The following GALNT13 variants were observed in gnomAD, a reference collection of about 807,000 sequenced individuals.
GALNT13 encodes the protein UDP-GalNAc:polypeptide N-acetylgalactosaminyltransferase 13.
GALNT13 carries 28 observed loss-of-function variants against 64.2 expected under a neutral mutation model. The ratio of observed to expected loss-of-function variants is 0.44; its 90% CI spans 0.32 to 0.60. GALNT13 has a LOEUF of 0.60. Among genes scored for constraint, GALNT13 ranks in the 20% least tolerant of loss-of-function variants. GALNT13 has a pLI of 0.05. For missense variants in GALNT13, 577 were observed against 669.8 expected (o/e 0.86, Z 1.53); for synonymous variants, 214 against 224.6 (o/e 0.95, Z 0.42).
intron 4 of GALNT13, among the ~76,000 whole-genome samples, chr2:154,198,450 A>G (rs996265551): frequency 6.6e-6 from 1 of 152,104 alleles, no homozygotes; most frequent in African/African-American, 2.4e-5. Context: ...TATGTGTACA[A>G]TTCAGTGGCA....
chr2:154,409,541 A>G (rs1229830874), intron 11 of GALNT13, among the ~76,000 whole-genome samples: 1 of 152,062 alleles, frequency 6.6e-6, no homozygotes, highest in African/African-American at 2.4e-5. Flanking sequence ...AAAGCTGACT[A>G]AAAGTCTTAG....
At chr2:154,279,287 C>G (rs2105936474) in intron 8 of GALNT13, among the ~76,000 whole-genome samples, 1 of 152,164 alleles carries the variant, frequency 6.6e-6, no homozygotes, top group South Asian at 2.1e-4. Flanking sequence ...AAGTCAGGAA[C>G]CTTAATACGA....
chr2:153,568,391 C>T, the GALNT13 span, among the ~76,000 whole-genome samples: 12 of 152,196 alleles, frequency 7.9e-5, no homozygotes, highest in Non-Finnish European at 1.5e-4. Flanking sequence ...CACAAAGCTG[C>T]TATTCTGTAT....
the GALNT13 span, among the ~76,000 whole-genome samples, chr2:153,721,937 C>A: frequency 6.7e-6 from 1 of 149,842 alleles, no homozygotes; most frequent in Non-Finnish European, 1.5e-5. Flanking sequence ...GAATTGAACT[C>A]AGCTCTGCAC....
intron 3 of GALNT13, among the ~76,000 whole-genome samples, chr2:154,105,080 G>C (rs1194188360): frequency 6.6e-6 from 1 of 152,036 alleles, no homozygotes; most frequent in Non-Finnish European, 1.5e-5. Flanking sequence ...CTTTTTGAGG[G>C]ACTCCAGGTT....
chr2:153,156,147 T>C, the GALNT13 span, among the ~76,000 whole-genome samples: 1 of 152,334 alleles, frequency 6.6e-6, no homozygotes, highest in South Asian at 2.1e-4. Flanking sequence ...AGTGTTTTAC[T>C]TCTGATTATA....
chr2:154,145,213 C>T (rs907975649), intron 4 of GALNT13, among the ~76,000 whole-genome samples: 1 of 150,132 alleles, frequency 6.7e-6, no homozygotes, highest in Non-Finnish European at 1.5e-5. Flanking sequence ...CCTCTCTCTC[C>T]TTTGCCCATT....
the GALNT13 span, among the ~76,000 whole-genome samples, chr2:153,097,679 G>A: frequency 3.3e-5 from 5 of 152,094 alleles, no homozygotes; most frequent in Non-Finnish European, 5.9e-5. Flanking sequence ...ATTTTTATCA[G>A]ATGTTGAGTT....
At chr2:153,479,413 C>T in the GALNT13 span, among the ~76,000 whole-genome samples, 1 of 152,168 alleles carries the variant, frequency 6.6e-6, no homozygotes, top group Admixed American at 6.5e-5. Flanking sequence ...CACCCAGCTT[C>T]CTTTACAAAA....
chr2:153,952,306 TA>T (rs1285905969), intron 3 of GALNT13, among the ~76,000 whole-genome samples: 2 of 152,164 alleles, frequency 1.3e-5, no homozygotes, highest in Non-Finnish European at 2.9e-5. Context: ...CCCCCACTCA[TA>T]TTCTCAGGCA....
the GALNT13 span, among the ~76,000 whole-genome samples, chr2:153,712,790 T>G: frequency 2.0e-5 from 3 of 152,220 alleles, no homozygotes; most frequent in Non-Finnish European, 4.4e-5. Context: ...AAAGCCATCA[T>G]TGGAGCAGGT....
the GALNT13 span, among the ~76,000 whole-genome samples, chr2:153,266,154 A>G: frequency 2.0e-5 from 3 of 152,186 alleles, no homozygotes; most frequent in Non-Finnish European, 4.4e-5. Flanking sequence ...CCAAGCCCAC[A>G]ATATTTCCAA....
chr2:153,313,084 C>T, the GALNT13 span, among the ~76,000 whole-genome samples: 1 of 152,138 alleles, frequency 6.6e-6, no homozygotes, highest in Non-Finnish European at 1.5e-5. Context: ...TGCTTATACA[C>T]TGTTGGGAGT....
At chr2:154,445,974 T>A in intron 12 of GALNT13, 2 of 451,550 alleles carry the variant, frequency 4.4e-6, no homozygotes, top group Non-Finnish European at 8.1e-6. Flanking sequence ...AGTTAATCTT[T>A]TTCTTTTTCC....
At chr2:154,229,731 T>C (rs1363195394) in intron 4 of GALNT13, among the ~76,000 whole-genome samples, 1 of 151,982 alleles carries the variant, frequency 6.6e-6, no homozygotes, top group Non-Finnish European at 1.5e-5. Context: ...ATTCTACAGC[T>C]AGAAAGAGTT....
chr2:153,373,313 A>T, the GALNT13 span, among the ~76,000 whole-genome samples: 5 of 152,332 alleles, frequency 3.3e-5, no homozygotes, highest in African/African-American at 1.2e-4. Flanking sequence ...AGTATTTACT[A>T]AAATATTTTT....
chr2:153,548,563 T>G, the GALNT13 span, among the ~76,000 whole-genome samples: 1 of 152,172 alleles, frequency 6.6e-6, no homozygotes, highest in East Asian at 1.9e-4. Flanking sequence ...CCTAACTACC[T>G]TAGACTACAG....
the GALNT13 span, among the ~76,000 whole-genome samples, chr2:153,753,943 G>GT: frequency 1.3e-5 from 2 of 152,228 alleles, no homozygotes; most frequent in Non-Finnish European, 2.9e-5. Context: ...GCATTTCCCA[G>GT]TTTTCTCTCC....
intron 4 of GALNT13, among the ~76,000 whole-genome samples, chr2:154,198,773 C>T (rs1337706344): frequency 2.0e-5 from 3 of 151,948 alleles, no homozygotes; most frequent in Non-Finnish European, 4.4e-5. Context: ...GGGTCAAGGA[C>T]TTAATAAGGT....
Sources: gnomAD v4.1 joint callset for allele counts (sites outside exome capture counted in the v4.1 genomes callset) on GRCh38, gnomAD v4.1.1 for gene constraint, MANE v1.5 for transcripts, NCBI Gene and HGNC (gene_info 2026-07-23, HGNC 2026-07-21) for gene names.